The following DNAJC15 variants were observed in gnomAD, a reference collection of about 807,000 sequenced individuals.
DNAJC15 encodes DnaJ heat shock protein family (Hsp40) member C15.
In DNAJC15, 27 loss-of-function variants were observed where a neutral mutation model predicts 22.4. The ratio of observed to expected loss-of-function variants is 1.20; its 90% CI spans 0.89 to 1.66. DNAJC15 has a LOEUF of 1.66. DNAJC15 is among the 40% of genes most tolerant of loss of function. The pLI is 0.00. For missense variants in DNAJC15, 208 were observed against 187.1 expected, an observed-to-expected ratio of 1.11 and a Z score of -0.65; for synonymous variants, 79 against 63.2, an observed-to-expected ratio of 1.25 and a Z score of -1.19.
At chr13:43,075,286 G>A (rs2153441221) in intron 3 of DNAJC15, among the ~76,000 whole-genome samples, 1 of 152,194 alleles carries the variant, frequency 6.6e-6, no homozygotes, top group Admixed American at 6.5e-5. Flanking sequence ...GAAACTCTAT[G>A]TCTACCTGGG....
intron 1 of DNAJC15, among the ~76,000 whole-genome samples, chr13:43,034,463 C>A (rs921932055): frequency 6.6e-6 from 1 of 151,426 alleles, no homozygotes; most frequent in Admixed American, 6.6e-5. Flanking sequence ...CTACAGGTGC[C>A]CACCACCGCG....
intron 1 of DNAJC15, among the ~76,000 whole-genome samples, chr13:43,033,769 C>T (rs2040414424): frequency 6.6e-6 from 1 of 152,024 alleles, no homozygotes; most frequent in South Asian, 2.1e-4. Flanking sequence ...TGGCTCATGC[C>T]TGTAATCCCA....
intron 4 of DNAJC15, among the ~76,000 whole-genome samples, chr13:43,083,816 T>G (rs2040675049): frequency 6.6e-6 from 1 of 152,140 alleles, no homozygotes; most frequent in South Asian, 2.1e-4. Context: ...ATCTGGGAGG[T>G]ACCTACAAGC....
At chr13:43,071,416 A>G (rs777121220) in intron 3 of DNAJC15, among the ~76,000 whole-genome samples, 18 of 152,194 alleles carry the variant, frequency 1.2e-4, no homozygotes, top group Non-Finnish European at 2.9e-5. Flanking sequence ...TCTTTTTCAC[A>G]AAGTGCTACT....
chr13:43,069,182 C>T (rs1238930051), intron 3 of DNAJC15, among the ~76,000 whole-genome samples, 179 bp downstream of exon 3: 1 of 152,238 alleles, frequency 6.6e-6, no homozygotes, highest in East Asian at 1.9e-4. Context: ...TTATTGGTCA[C>T]ATTATTTTTA....
rs769725022 is a variant in DNAJC15, at chr13:43,023,779, G to GT, written c.108+48dup. 69 of 1,537,022 alleles carry GT rather than the reference G, an allele frequency of 4.5e-5. No individual in the cohort carries two copies. The East Asian group carries it at 1.3e-3, about 29-fold the overall frequency. On this transcript the variant is annotated intron_variant, in intron 1 of 5. Coordinates refer to ENST00000379221, the MANE Select transcript of DNAJC15 (RefSeq NM_013238.3). ...CCCACCCCTCTCTGGCTCCCTTGTA[G>GT]TTTCTGCTTCAGCCCCCTCTACCGC... is the stretch of plus-strand genomic sequence containing the variant.
chr13:43,105,232 A>G (rs902417595), intron 5 of DNAJC15, among the ~76,000 whole-genome samples: 3 of 152,212 alleles, frequency 2.0e-5, no homozygotes, highest in Middle Eastern at 3.4e-3. Context: ...TGGGAGAAGC[A>G]CAGTTGCTGC....
At chr13:43,080,606 G>A (rs1330679019) in intron 4 of DNAJC15, among the ~76,000 whole-genome samples, 9 of 152,216 alleles carry the variant, frequency 5.9e-5, no homozygotes, top group Non-Finnish European at 1.0e-4. Flanking sequence ...TCGCTTAGGC[G>A]CTGCCCTGTA....
intron 1 of DNAJC15, among the ~76,000 whole-genome samples, chr13:43,032,266 C>T (rs957324015): frequency 6.6e-6 from 1 of 152,212 alleles, no homozygotes; most frequent in Non-Finnish European, 1.5e-5. Flanking sequence ...GCTCTTCTAA[C>T]AGAACAGAGA....
chr13:43,068,059 T>C (rs977945973), intron 2 of DNAJC15, among the ~76,000 whole-genome samples: 3 of 152,120 alleles, frequency 2.0e-5, no homozygotes, highest in Non-Finnish European at 4.4e-5. Flanking sequence ...ACAGTATACA[T>C]AGGTAGTTGA....
intron 4 of DNAJC15, among the ~76,000 whole-genome samples, chr13:43,083,356 A>G (rs2040672717): frequency 6.6e-6 from 1 of 151,974 alleles, no homozygotes; most frequent in Non-Finnish European, 1.5e-5. Context: ...TTTAGTAGAG[A>G]CAGGGTTTCA....
chr13:43,113,697 T>C lies in DNAJC15; in HGVS notation c.*6449T>C, dbSNP rs1417725218. 2 of 152,282 alleles carry C rather than the reference T, an allele frequency of 1.3e-5. No individual in the cohort carries two copies. Among genetic ancestry groups the C allele is most frequent in the Non-Finnish European group, 2.9e-5 (2 of 68,056 alleles). The allele number at this position is 152,282 out of a possible 1,614,324, so 9.4% of individuals were successfully genotyped here. The stretch of plus-strand genomic sequence containing the variant: ...ATTCTTGGATTAGTGGTGCCTTTGC[T>C]CTTTCCTTCTGTAAATGTGAATAGT... On this transcript the variant is annotated 3_prime_UTR_variant, in exon 6 of 6. Transcript: ENST00000379221.
intron 5 of DNAJC15, among the ~76,000 whole-genome samples, chr13:43,096,367 A>G (rs1475966618): frequency 2.0e-5 from 3 of 152,220 alleles, no homozygotes; most frequent in African/African-American, 4.8e-5. Context: ...TTATGCATTC[A>G]TTCAATTAAT....
intron 1 of DNAJC15, among the ~76,000 whole-genome samples, chr13:43,045,451 C>G (rs920380405): frequency 3.9e-5 from 6 of 152,146 alleles, no homozygotes; most frequent in African/African-American, 1.4e-4. Context: ...TTTACGGGCA[C>G]ACAACACTAA....
At chr13:43,078,902 G>T in intron 4 of DNAJC15, 1 of 357,302 alleles carries the variant, frequency 2.8e-6, no homozygotes, top group South Asian at 6.8e-5. Flanking sequence ...AGGCAAAGTT[G>T]TGAAGTACCT....
chr13:43,092,325 A>G (rs1424121497), intron 5 of DNAJC15, among the ~76,000 whole-genome samples: 1 of 152,110 alleles, frequency 6.6e-6, no homozygotes, highest in Non-Finnish European at 1.5e-5. Flanking sequence ...TACATGGTAT[A>G]TCTTTTTTCC....
intron 5 of DNAJC15, among the ~76,000 whole-genome samples, chr13:43,104,372 C>T (rs2153442388): frequency 6.6e-6 from 1 of 152,308 alleles, no homozygotes; most frequent in Middle Eastern, 3.4e-3. Context: ...CATCATAGTG[C>T]ATTTCCGTTA....
chr13:43,077,034 A>G (rs1322468705), intron 3 of DNAJC15, among the ~76,000 whole-genome samples: 1 of 152,188 alleles, frequency 6.6e-6, no homozygotes, highest in African/African-American at 2.4e-5. Context: ...TTGGACTTCT[A>G]ATTTTTAAAC....
intron 3 of DNAJC15, among the ~76,000 whole-genome samples, chr13:43,070,713 A>G (rs1467972118): frequency 6.6e-6 from 1 of 152,172 alleles, no homozygotes; most frequent in Non-Finnish European, 1.5e-5. Context: ...AAAGGAGTAT[A>G]TGAAGGGAAT....
Sources: allele counts gnomAD v4.1 joint callset (sites outside exome capture counted in the v4.1 genomes callset), GRCh38; gene constraint gnomAD v4.1.1; transcripts MANE v1.5; gene names NCBI Gene and HGNC (gene_info 2026-07-23, HGNC 2026-07-21).